EXOC6B: variants seen among roughly 807,000 people sequenced by gnomAD.
EXOC6B encodes the protein exocyst complex component 6B.
EXOC6B carries 54 observed loss-of-function variants against 113.5 expected under a neutral mutation model. The observed-to-expected ratio is 0.48, with a 90% CI of 0.38 to 0.60. The LOEUF (loss-of-function observed/expected upper bound fraction) is 0.60. Among genes scored for constraint, EXOC6B ranks in the 20% least tolerant of loss-of-function variants. The probability of loss-of-function intolerance (pLI) is 0.00; values close to 1 mark genes in which losing one functional copy is unlikely to be tolerated. For missense variants in EXOC6B, 797 were observed against 977.5 expected (o/e 0.82, Z 2.46); for synonymous variants, 357 against 339.0 (o/e 1.05, Z -0.58).
intron 20 of EXOC6B, among the ~76,000 whole-genome samples, chr2:72,226,194 G>T (rs1030812520): frequency 6.6e-6 from 1 of 152,090 alleles, no homozygotes; most frequent in Non-Finnish European, 1.5e-5. Flanking sequence ...ATGCAACGAG[G>T]TATCCTCAAC....
chr2:72,271,982 G>A (rs1365201888), intron 20 of EXOC6B, among the ~76,000 whole-genome samples: 2 of 151,872 alleles, frequency 1.3e-5, no homozygotes, highest in African/African-American at 4.8e-5. Flanking sequence ...CTCCACTTAC[G>A]TACATGCTGA....
In EXOC6B at chr2:72,704,942, A is replaced by T. The variant is rs1486699086; in HGVS notation, c.669+13161T>A. On this transcript the variant is annotated intron_variant, in intron 6 of 21. Coordinates refer to ENST00000272427, the MANE Select transcript of EXOC6B (RefSeq NM_015189.3). The stretch of plus-strand genomic sequence containing the variant: ...CATTCCTTCTGAAACTATTCCAATC[A>T]ATAGAAAAAGAGGGAATCCTCCCTA... 3.9e-4 allele frequency among the ~76,000 whole-genome samples: 59 copies of T among 151,934 alleles called. 1 individual carries two copies. The highest frequency in any genetic ancestry group is 6.2e-4 in the Non-Finnish European group (42 of 67,854).
At chr2:72,229,823 CTAATAAGTTGCCT>C (rs1260701779) in intron 20 of EXOC6B, among the ~76,000 whole-genome samples, 2 of 152,144 alleles carry the variant, frequency 1.3e-5, no homozygotes, top group African/African-American at 4.8e-5. Flanking sequence ...CACGTGCTAC[CTAATAAGTTGCCT>C]TAAAATTTAC....
chr2:72,528,598 A>G (rs1701847265), intron 8 of EXOC6B, among the ~76,000 whole-genome samples: 1 of 152,070 alleles, frequency 6.6e-6, no homozygotes, highest in Non-Finnish European at 1.5e-5. Flanking sequence ...CTTTATAGGA[A>G]TTTCATTAAA....
intron 5 of EXOC6B, among the ~76,000 whole-genome samples, chr2:72,722,643 C>T (rs1182242994): frequency 6.6e-6 from 1 of 152,090 alleles, no homozygotes; most frequent in African/African-American, 2.4e-5. Context: ...CAATACAATT[C>T]ACATGGTTTA....
intron 6 of EXOC6B, among the ~76,000 whole-genome samples, chr2:72,613,811 A>G (rs1380658170): frequency 6.6e-6 from 1 of 152,084 alleles, no homozygotes; most frequent in African/African-American, 2.4e-5. Context: ...TTAGTGGCCT[A>G]TAGCTGGGGT....
chr2:72,621,760 C>T (rs896537440), intron 6 of EXOC6B, among the ~76,000 whole-genome samples: 2 of 152,166 alleles, frequency 1.3e-5, no homozygotes, highest in East Asian at 1.9e-4. Context: ...TACATTAATA[C>T]AGATGAATCA....
At chr2:72,266,373 T>A (rs1202129214) in intron 20 of EXOC6B, among the ~76,000 whole-genome samples, 2 of 149,160 alleles carry the variant, frequency 1.3e-5, no homozygotes, top group Non-Finnish European at 3.0e-5. Context: ...TCTTCTAGGG[T>A]TTTTATGGTT....
intron 1 of EXOC6B, among the ~76,000 whole-genome samples, chr2:72,804,062 T>A (rs1685446805): frequency 6.6e-6 from 1 of 152,168 alleles, no homozygotes; most frequent in Non-Finnish European, 1.5e-5. Context: ...TCTTTACAAG[T>A]TATTAGTGAT....
chr2:72,638,479 G>A (rs769741915), intron 6 of EXOC6B, among the ~76,000 whole-genome samples: 2 of 152,104 alleles, frequency 1.3e-5, no homozygotes, highest in African/African-American at 4.8e-5. Flanking sequence ...AGAAGGTACC[G>A]AGAGTGAACA....
chr2:72,629,346 G>A (rs932708062), intron 6 of EXOC6B, among the ~76,000 whole-genome samples: 1 of 152,118 alleles, frequency 6.6e-6, no homozygotes, highest in Admixed American at 6.5e-5. Context: ...CACATGCACT[G>A]CTTGTAAACT....
At chr2:72,621,419 C>T (rs1198389051) in intron 6 of EXOC6B, among the ~76,000 whole-genome samples, 1 of 152,078 alleles carries the variant, frequency 6.6e-6, no homozygotes, top group Non-Finnish European at 1.5e-5. Context: ...AAACCAAATA[C>T]TGCATGTTCT....
chr2:72,212,125 G>A (rs555553402), intron 20 of EXOC6B, among the ~76,000 whole-genome samples: 2 of 152,318 alleles, frequency 1.3e-5, no homozygotes, highest in East Asian at 3.9e-4. Context: ...TCTAAAGGTG[G>A]TTGACAGGGT....
intron 1 of EXOC6B, among the ~76,000 whole-genome samples, chr2:72,782,318 A>G (rs570523778): frequency 6.6e-6 from 1 of 151,976 alleles, no homozygotes; most frequent in African/African-American, 2.4e-5. Context: ...TTCAAATATC[A>G]CCATCTCCAA....
intron 9 of EXOC6B, 69 bp downstream of exon 9, chr2:72,514,973 AC>A: frequency 7.5e-7 from 1 of 1,328,218 alleles, no homozygotes; most frequent in Non-Finnish European, 1.1e-6. Context: ...ACACACACAC[AC>A]ACACACGCAT....
At chr2:72,498,278 T>C (rs1165006146) in intron 13 of EXOC6B, among the ~76,000 whole-genome samples, 176 bp downstream of exon 13, 1 of 152,232 alleles carries the variant, frequency 6.6e-6, no homozygotes, top group African/African-American at 2.4e-5. Context: ...CTTGGGAACT[T>C]AATTTTGGAC....
At chr2:72,284,094 A>G (rs1340923932) in intron 20 of EXOC6B, among the ~76,000 whole-genome samples, 1 of 152,170 alleles carries the variant, frequency 6.6e-6, no homozygotes, top group African/African-American at 2.4e-5. Flanking sequence ...ATCTTTCAAA[A>G]CACAGAAGTA....
At chr2:72,227,567 T>C (rs888586306) in intron 20 of EXOC6B, among the ~76,000 whole-genome samples, 4 of 152,180 alleles carry the variant, frequency 2.6e-5, no homozygotes, top group Non-Finnish European at 5.9e-5. Flanking sequence ...TAAAAATTAG[T>C]AAAAATGTAG....
intron 8 of EXOC6B, among the ~76,000 whole-genome samples, chr2:72,549,032 T>A (rs1476167284): frequency 6.6e-6 from 1 of 151,524 alleles, no homozygotes; most frequent in African/African-American, 2.4e-5. Flanking sequence ...AATAAAAAAA[T>A]TTAAATAAAT....
Sources: allele counts gnomAD v4.1 joint callset (sites outside exome capture counted in the v4.1 genomes callset), GRCh38; gene constraint gnomAD v4.1.1; transcripts MANE v1.5; gene names NCBI Gene and HGNC (gene_info 2026-07-23, HGNC 2026-07-21).